Variants in FBXO33 observed in about 807,000 individuals in gnomAD.
The protein encoded by FBXO33 is F-box only protein 33.
A neutral mutation model predicts 46.3 loss-of-function variants in FBXO33; 22 were observed. The ratio of observed to expected loss-of-function variants is 0.48; its 90% CI spans 0.34 to 0.68. The LOEUF (loss-of-function observed/expected upper bound fraction) is 0.68. Among genes scored for constraint, FBXO33 ranks in the 30% least tolerant of loss-of-function variants. The pLI is 0.01. For synonymous variants in FBXO33, 337 were observed against 291.3 expected, an observed-to-expected ratio of 1.16 and a Z score of -1.60; for missense variants, 692 against 708.8, an observed-to-expected ratio of 0.98 and a Z score of 0.27.
In FBXO33 at chr14:39,399,264, T is replaced by C. The variant is rs112705714; in HGVS notation, c.*252A>G. ...AAAGTTAGCCAGCAACCTCAGACAA[T>C]CTTCGGCTGTATATCCTTAAGGTTT... On this transcript the variant is annotated 3_prime_UTR_variant, in exon 4 of 4. Coordinates refer to ENST00000298097, the MANE Select transcript of FBXO33 (RefSeq NM_203301.4). 2.0e-5 allele frequency: 6 copies of C among 292,800 alleles called. No homozygotes were observed. The highest frequency in any genetic ancestry group is 2.5e-5 in the Non-Finnish European group (4 of 159,332). 18.1% of individuals were successfully genotyped at this position (292,800 alleles called of 1,614,324 possible).
intron 1 of FBXO33, among the ~76,000 whole-genome samples, chr14:39,421,813 CACACAA>C (rs775657477): frequency 1.4e-5 from 2 of 147,660 alleles, no homozygotes; most frequent in Admixed American, 1.3e-4. Flanking sequence ...CACACACACA[CACACAA>C]ACACACGCAC....
intron 1 of FBXO33, among the ~76,000 whole-genome samples, chr14:39,428,641 G>A (rs1182161008): frequency 1.3e-5 from 2 of 152,064 alleles, no homozygotes; most frequent in Non-Finnish European, 2.9e-5. Context: ...TACTCTTCAG[G>A]TATTTTTAGT....
intron 1 of FBXO33, among the ~76,000 whole-genome samples, chr14:39,421,377 C>T (rs1239352106): frequency 6.6e-6 from 1 of 151,962 alleles, no homozygotes; most frequent in Non-Finnish European, 1.5e-5. Context: ...GGTCTAGTAC[C>T]ACAGGTGATT....
chr14:39,411,602 A>G (rs1007534390), intron 1 of FBXO33, among the ~76,000 whole-genome samples: 2 of 151,414 alleles, frequency 1.3e-5, no homozygotes, highest in Admixed American at 6.6e-5. Flanking sequence ...GGCTCACTGC[A>G]AACTCTGCCT....
chr14:39,423,014 C>CG (rs1015902010), intron 1 of FBXO33, among the ~76,000 whole-genome samples: 2 of 151,838 alleles, frequency 1.3e-5, no homozygotes, highest in African/African-American at 4.8e-5. Flanking sequence ...CCCAGCTACT[C>CG]GGGAGGCTGA....
intron 1 of FBXO33, among the ~76,000 whole-genome samples, chr14:39,415,439 T>C (rs1305592562): frequency 6.6e-6 from 1 of 152,112 alleles, no homozygotes; most frequent in African/African-American, 2.4e-5. Context: ...AAACATAATA[T>C]CTGTGAAGTG....
At chr14:39,425,364 G>A (rs2139420038) in intron 1 of FBXO33, among the ~76,000 whole-genome samples, 1 of 152,274 alleles carries the variant, frequency 6.6e-6, no homozygotes, top group South Asian at 2.1e-4. Flanking sequence ...ATAGAAAAAT[G>A]CAAAATGCAG....
chr14:39,422,204 G>T (rs1434938592), intron 1 of FBXO33, among the ~76,000 whole-genome samples: 1 of 152,184 alleles, frequency 6.6e-6, no homozygotes, highest in Non-Finnish European at 1.5e-5. Flanking sequence ...GTTGCAGTGA[G>T]CCAATATTGT....
At chr14:39,426,207 T>G (rs2075512856) in intron 1 of FBXO33, among the ~76,000 whole-genome samples, 1 of 152,102 alleles carries the variant, frequency 6.6e-6, no homozygotes, top group South Asian at 2.1e-4. Flanking sequence ...TTAACAATAA[T>G]AAGGACAAGA....
intron 1 of FBXO33, among the ~76,000 whole-genome samples, chr14:39,408,442 G>C (rs753588434): frequency 6.6e-6 from 1 of 152,036 alleles, no homozygotes; most frequent in Non-Finnish European, 1.5e-5. Flanking sequence ...TTGCTATTGA[G>C]TTATACGAGT....
At chr14:39,412,184 GTTGT>G (rs563892959) in intron 1 of FBXO33, among the ~76,000 whole-genome samples, 10 of 152,066 alleles carry the variant, frequency 6.6e-5, no homozygotes, top group Non-Finnish European at 1.5e-4. Flanking sequence ...TTATTGTATT[GTTGT>G]TTATTTTTCA....
intron 1 of FBXO33, among the ~76,000 whole-genome samples, chr14:39,412,322 T>TCAAG (rs2075427134): frequency 6.6e-6 from 1 of 152,244 alleles, no homozygotes; most frequent in Non-Finnish European, 1.5e-5. Flanking sequence ...TTGTCTCTTG[T>TCAAG]GTCAGTTTTT....
intron 1 of FBXO33, among the ~76,000 whole-genome samples, chr14:39,416,782 CTTCT>C (rs749854869): frequency 1.3e-4 from 20 of 152,060 alleles, no homozygotes; most frequent in Admixed American, 2.0e-4. Context: ...ACTCAGTGAG[CTTCT>C]TTAAGAGGAT....
rs2075351948 is a variant in FBXO33, at chr14:39,398,225, A to G, written c.*1291T>C. The G allele has an allele frequency of 6.6e-6, 1 of 152,658 alleles. No homozygotes were observed. Among genetic ancestry groups the G allele is most frequent in the Admixed American group, 6.5e-5 (1 of 15,284 alleles). The allele number at this position is 152,658 out of a possible 1,614,324, so 9.5% of individuals were successfully genotyped here. On this transcript the variant is annotated 3_prime_UTR_variant, in exon 4 of 4. Coordinates refer to ENST00000298097, the MANE Select transcript of FBXO33 (RefSeq NM_203301.4). The stretch of plus-strand genomic sequence containing the variant: ...TTAACATTAAATGCACAACATTCGT[A>G]CCACTTAAAACTGGGGTCAGGTGGA...
chr14:39,418,903 T>G (rs756317224), intron 1 of FBXO33, among the ~76,000 whole-genome samples: 1 of 152,044 alleles, frequency 6.6e-6, no homozygotes, highest in Non-Finnish European at 1.5e-5. Context: ...GTTAGAAATA[T>G]GCCATTCAAA....
intron 1 of FBXO33, among the ~76,000 whole-genome samples, chr14:39,410,958 T>G (rs1679501760): frequency 6.9e-6 from 1 of 144,300 alleles, no homozygotes; most frequent in South Asian, 2.2e-4. Context: ...CCAGCTTTGT[T>G]AGTCCTTACT....
intron 1 of FBXO33, among the ~76,000 whole-genome samples, chr14:39,430,717 A>C (rs2075539638): frequency 6.6e-6 from 1 of 152,200 alleles, no homozygotes; most frequent in Non-Finnish European, 1.5e-5. Context: ...GGTTCTTTAG[A>C]ATATCCATAT....
intron 1 of FBXO33, among the ~76,000 whole-genome samples, chr14:39,408,008 T>C (rs1255632531): frequency 1.3e-5 from 2 of 152,218 alleles, no homozygotes; most frequent in East Asian, 3.9e-4. Context: ...GGGCACCATC[T>C]AGGCTCACTG....
In FBXO33 at chr14:39,401,496, T is replaced by A; in HGVS notation, c.1076A>T (p.His359Leu). The A allele has an allele frequency of 6.8e-6, 11 of 1,614,206 alleles. No homozygotes were observed. The highest frequency in any genetic ancestry group is 1.3e-5 in the African/African-American group (1 of 75,050). Residue 359 changes from histidine to leucine, a missense_variant, in exon 3 of 4, where the codon CAT (histidine) becomes CTT (leucine). His to Leu is a moderately conservative substitution (Grantham distance 99). This residue lies in a region of FBXO33 where 186 missense variants were observed against 246.1 expected (regional missense o/e 0.76). Transcript: ENST00000298097. The part of the protein sequence containing the change: ...KSLDNMPNDE[H>L]WKALSRKSTS... ...GCTCTTTCGTGACAGGGCTTTCCAA[T>A]GCTCATCATTTGGCATGTTGTCCAG...
Sources: gnomAD v4.1 joint callset for allele counts (sites outside exome capture counted in the v4.1 genomes callset) on GRCh38, gnomAD v4.1.1 for gene constraint, gnomAD v4.1.1 regional missense constraint, MANE v1.5 for transcripts, NCBI Gene and HGNC (gene_info 2026-07-23, HGNC 2026-07-21) for gene names.